NIN: variants seen among roughly 807,000 people sequenced by gnomAD.
NIN encodes ninein.
A neutral mutation model predicts 257.6 loss-of-function variants in NIN; 137 were observed. That is an observed-to-expected ratio of 0.53 (90% confidence interval 0.46 to 0.61). The LOEUF (loss-of-function observed/expected upper bound fraction) is 0.61, where lower values mean the gene tolerates loss of function less well. Ranked by LOEUF, NIN falls within the 20% of genes least tolerant of loss-of-function variation. The pLI is 0.00. For missense variants in NIN, 2,439 were observed against 2,501.2 expected, an observed-to-expected ratio of 0.98 and a Z score of 0.53; for synonymous variants, 918 against 919.8, an observed-to-expected ratio of 1.00 and a Z score of 0.04.
intron 2 of NIN, chr14:50,823,153 GTGGT>G (rs762763535): frequency 5.7e-5 from 27 of 476,354 alleles, no homozygotes; most frequent in Admixed American, 7.7e-5. Context: ...AATGAAATCT[GTGGT>G]TTTTTTTTTT....
intron 4 of NIN, among the ~76,000 whole-genome samples, chr14:50,805,405 T>C (rs2044281202): frequency 1.3e-5 from 2 of 152,226 alleles, no homozygotes; most frequent in Non-Finnish European, 2.9e-5. Flanking sequence ...CCTCTCAGGC[T>C]CACTGGGGGC....
At chr14:50,793,053 G>A (rs1338272653) in intron 4 of NIN, among the ~76,000 whole-genome samples, 172 bp from the exon 5 acceptor site, 1 of 152,114 alleles carries the variant, frequency 6.6e-6, no homozygotes, top group East Asian at 1.9e-4. Flanking sequence ...TGCAGAGCAC[G>A]CCTTCTAATT....
intron 4 of NIN, among the ~76,000 whole-genome samples, chr14:50,796,936 A>G (rs1339115424): frequency 6.6e-6 from 1 of 152,248 alleles, no homozygotes; most frequent in Non-Finnish European, 1.5e-5. Context: ...AAACCACTGC[A>G]TGAACAGCCA....
At chr14:50,725,501 G>C (rs772647261) in intron 30 of NIN, among the ~76,000 whole-genome samples, 1 of 152,000 alleles carries the variant, frequency 6.6e-6, no homozygotes. Flanking sequence ...GTTGGGAACA[G>C]GAAAGCTAAA....
At chr14:50,724,007 T>C in intron 30 of NIN, 1 of 269,924 alleles carries the variant, frequency 3.7e-6, no homozygotes, top group Non-Finnish European at 7.1e-6. Context: ...TTTTATAACT[T>C]AAATTCCTGA....
chr14:50,806,884 AG>A, intron 3 of NIN, 66 bp from the exon 4 acceptor site: 1 of 755,478 alleles, frequency 1.3e-6, no homozygotes, highest in South Asian at 1.8e-5. Flanking sequence ...CCTATCTACA[AG>A]GTACCAAAAC....
intron 18 of NIN, 74 bp from the exon 19 acceptor site, chr14:50,754,941 T>C (rs1451406574): frequency 1.9e-6 from 2 of 1,047,712 alleles, no homozygotes; most frequent in African/African-American, 1.6e-5. Flanking sequence ...TTCTAGTAAC[T>C]TCCAAAAGGA....
chr14:50,766,272 C>A, intron 14 of NIN, 35 bp downstream of exon 14: 1 of 1,554,446 alleles, frequency 6.4e-7, no homozygotes, highest in Non-Finnish European at 8.9e-7. Context: ...AACCCAGGCA[C>A]TCCTGCACTT....
In NIN at chr14:50,731,748, T is replaced by G. The variant is rs528406260; in HGVS notation, c.5878-2025A>C. Among the ~76,000 whole-genome samples the G allele has an allele frequency of 6.7e-4, 102 of 151,866 alleles. 1 individual carries two copies. The South Asian group carries it at 0.021, about 31-fold the overall frequency. On this transcript the variant is annotated intron_variant, in intron 28 of 30. Transcript: ENST00000530997. ...GGCTGAGGCAGAAGAATCGCTCGAATCCGGGAGGCAGAGGTTGCAGTGAGC... is the reference window on the plus strand; with the variant it reads ...GGCTGAGGCAGAAGAATCGCTCGAAGCCGGGAGGCAGAGGTTGCAGTGAGC...
chr14:50,725,095 C>G (rs2040359359), intron 30 of NIN, among the ~76,000 whole-genome samples: 1 of 152,168 alleles, frequency 6.6e-6, no homozygotes, highest in Admixed American at 6.5e-5. Flanking sequence ...TGGATAAATG[C>G]TCACTGAATG....
intron 28 of NIN, among the ~76,000 whole-genome samples, chr14:50,733,404 C>T (rs2040818155): frequency 6.6e-6 from 1 of 152,106 alleles, no homozygotes; most frequent in Admixed American, 6.5e-5. Context: ...AATTCAGTTC[C>T]ATTTCCTAAT....
At chr14:50,759,684 G>A (rs1026366695) in intron 17 of NIN, among the ~76,000 whole-genome samples, 173 bp downstream of exon 17, 5 of 152,066 alleles carry the variant, frequency 3.3e-5, no homozygotes, top group South Asian at 2.1e-4. Flanking sequence ...TAGTAGAGAC[G>A]GGGTTTCACC....
At chr14:50,753,881 CT>C (rs913830627) in intron 20 of NIN, among the ~76,000 whole-genome samples, 5 of 149,596 alleles carry the variant, frequency 3.3e-5, no homozygotes, top group Admixed American at 6.7e-5. Flanking sequence ...CTTTTGTATT[CT>C]TTTTTTTTTC....
intron 7 of NIN, among the ~76,000 whole-genome samples, 175 bp from the exon 8 acceptor site, chr14:50,773,270 C>A (rs571586577): frequency 1.3e-5 from 2 of 152,320 alleles, no homozygotes; most frequent in Admixed American, 1.3e-4. Flanking sequence ...ATGCCCTCCT[C>A]CTTCCCACAA....
chr14:50,739,541 G>A (rs1002156987), intron 25 of NIN, 54 bp from the exon 26 acceptor site: 1 of 1,543,426 alleles, frequency 6.5e-7, no homozygotes, highest in Non-Finnish European at 8.8e-7. Flanking sequence ...GGTAATTGCT[G>A]TTTTGAGACA....
At chr14:50,730,771 G>A (rs979668403) in intron 28 of NIN, 1 of 253,496 alleles carries the variant, frequency 3.9e-6, no homozygotes, top group Admixed American at 6.5e-5. Context: ...AAAGTTTGAT[G>A]TAAACAGACA....
rs1044549154 is a variant in NIN, at chr14:50,822,047, C to T, written c.10G>A (p.Val4Met). ...CGGGCCTCATGCTGGTCCTGCTCCACCTCATCCATCCCATAGCCCACAGTG... is the reference window on the plus strand; with the variant it reads ...CGGGCCTCATGCTGGTCCTGCTCCATCTCATCCATCCCATAGCCCACAGTG... MDE[V>M]EQDQHEARLK... The change falls in exon 3 of 31, where the codon GTG becomes ATG. Residue 4 changes from valine (V) to methionine (M), a missense_variant. This residue lies in a region of NIN where 387 missense variants were observed against 427.3 expected (regional missense o/e 0.91). Transcript: ENST00000530997. 1 of 1,613,118 alleles carries T rather than the reference C, an allele frequency of 6.2e-7. No individual in the cohort carries two copies. Among genetic ancestry groups the T allele is most frequent in the Admixed American group, 1.7e-5 (1 of 59,968 alleles).
chr14:50,779,837 C>A (rs2043064454), intron 5 of NIN, among the ~76,000 whole-genome samples: 1 of 152,018 alleles, frequency 6.6e-6, no homozygotes. Context: ...CCTAGTGTAT[C>A]TGTGGCATAG....
At chr14:50,797,266 G>A (rs1318476632) in intron 4 of NIN, among the ~76,000 whole-genome samples, 1 of 152,122 alleles carries the variant, frequency 6.6e-6, no homozygotes, top group Non-Finnish European at 1.5e-5. Context: ...AATGACCTGA[G>A]GCCATTTCCA....
Sources: gnomAD v4.1 joint callset for allele counts (sites outside exome capture counted in the v4.1 genomes callset) on GRCh38, gnomAD v4.1.1 for gene constraint, gnomAD v4.1.1 regional missense constraint, MANE v1.5 for transcripts, NCBI Gene and HGNC (gene_info 2026-07-23, HGNC 2026-07-21) for gene names.